PHF24: variants seen among roughly 807,000 people sequenced by gnomAD.
PHF24 encodes Galpha inhibitory interacting protein.
In PHF24, 25 loss-of-function variants were observed where a neutral mutation model predicts 42.6. The observed-to-expected ratio is 0.59, with a 90% CI of 0.43 to 0.82. PHF24 has a LOEUF of 0.82. Ranked by LOEUF, PHF24 falls within the 40% of genes least tolerant of loss-of-function variation. The pLI is 0.00. For missense variants in PHF24, 470 were observed against 538.1 expected, an observed-to-expected ratio of 0.87 and a Z score of 1.25; for synonymous variants, 185 against 204.8, an observed-to-expected ratio of 0.90 and a Z score of 0.83.
chr9:34,837,784 C>T, the PHF24 span: 4 of 902,196 alleles, frequency 4.4e-6, no homozygotes, highest in Non-Finnish European at 5.4e-6. Flanking sequence ...TTATTTTCCA[C>T]TCCCTTTCTA....
chr9:34,665,967 G>T, the PHF24 span: 4 of 481,052 alleles, frequency 8.3e-6, no homozygotes, highest in Non-Finnish European at 1.5e-5. Context: ...ATTTTCAGGG[G>T]CTGGGGTCAC....
At chr9:34,837,535 G>A in the PHF24 span, 1 of 703,200 alleles carries the variant, frequency 1.4e-6, no homozygotes. Context: ...TTTCAGTCTG[G>A]GGAACTGGAG....
At chr9:34,677,051 C>T in the PHF24 span, among the ~76,000 whole-genome samples, 1 of 152,164 alleles carries the variant, frequency 6.6e-6, no homozygotes, top group African/African-American at 2.4e-5. Flanking sequence ...ATTCCAAAAC[C>T]AAACTCCTGA....
the PHF24 span, among the ~76,000 whole-genome samples, chr9:34,791,554 C>A: frequency 6.8e-6 from 1 of 147,206 alleles, no homozygotes; most frequent in Admixed American, 6.8e-5. Flanking sequence ...GGGAATAGAT[C>A]AGATCTTGTA....
At chr9:34,843,742 T>G in the PHF24 span, among the ~76,000 whole-genome samples, 2 of 152,130 alleles carry the variant, frequency 1.3e-5, no homozygotes, top group Non-Finnish European at 2.9e-5. Flanking sequence ...AATTTTTTAA[T>G]TTTTATTTTT....
At chr9:34,665,839 A>G in the PHF24 span, 3 of 601,982 alleles carry the variant, frequency 5.0e-6, 1 homozygote, top group South Asian at 5.8e-5. Context: ...GAGATTTGGG[A>G]GGCACTGGAA....
the PHF24 span, chr9:34,895,559 T>C: frequency 2.8e-5 from 11 of 398,492 alleles, no homozygotes; most frequent in South Asian, 1.3e-4. Flanking sequence ...AATTTAGCCA[T>C]GGTCATAGTG....
the PHF24 span, among the ~76,000 whole-genome samples, chr9:34,751,970 AT>A: frequency 6.6e-6 from 1 of 152,184 alleles, no homozygotes; most frequent in African/African-American, 2.4e-5. Flanking sequence ...AATGAAAAAA[AT>A]AACAAGGAAA....
the PHF24 span, among the ~76,000 whole-genome samples, chr9:34,859,907 T>C: frequency 3.9e-5 from 6 of 152,162 alleles, no homozygotes; most frequent in African/African-American, 9.7e-5. Flanking sequence ...TTTTTTTTAA[T>C]CTCACCTCAG....
At chr9:34,932,062 A>G in the PHF24 span, among the ~76,000 whole-genome samples, 1 of 152,190 alleles carries the variant, frequency 6.6e-6, no homozygotes, top group Non-Finnish European at 1.5e-5. Flanking sequence ...GTGAGAACAC[A>G]ACAGTGAGAA....
At chr9:34,694,825 A>G in the PHF24 span, among the ~76,000 whole-genome samples, 1 of 152,150 alleles carries the variant, frequency 6.6e-6, no homozygotes. Context: ...CTAGACCCCA[A>G]CTGCCTATCA....
At chr9:34,886,718 A>G in the PHF24 span, among the ~76,000 whole-genome samples, 7 of 149,196 alleles carry the variant, frequency 4.7e-5, no homozygotes, top group Admixed American at 4.7e-4. Flanking sequence ...TCGTGGTCAT[A>G]TCTAGTCTCA....
At chr9:34,877,396 C>T in the PHF24 span, among the ~76,000 whole-genome samples, 1 of 152,040 alleles carries the variant, frequency 6.6e-6, no homozygotes, top group Admixed American at 6.5e-5. Context: ...TATGATTTCA[C>T]TTATATGAGA....
the PHF24 span, among the ~76,000 whole-genome samples, chr9:34,854,252 G>GT: frequency 3.9e-4 from 55 of 139,726 alleles, no homozygotes; most frequent in African/African-American, 1.2e-3. Flanking sequence ...TTTTTGAAGA[G>GT]TTTTTTTGTG....
the PHF24 span, among the ~76,000 whole-genome samples, chr9:34,788,770 G>A: frequency 1.3e-5 from 2 of 152,116 alleles, no homozygotes; most frequent in African/African-American, 4.8e-5. Flanking sequence ...ACACGCCAGA[G>A]ACCACCCCAA....
chr9:34,840,574 G>C, the PHF24 span, among the ~76,000 whole-genome samples: 1 of 149,472 alleles, frequency 6.7e-6, no homozygotes, highest in South Asian at 2.2e-4. Flanking sequence ...AGGTCACCCA[G>C]GCTGGAGTGC....
At chr9:34,748,472 G>T in the PHF24 span, among the ~76,000 whole-genome samples, 8 of 152,278 alleles carry the variant, frequency 5.3e-5, no homozygotes, top group Middle Eastern at 3.4e-3. Context: ...AGTCCTAGTT[G>T]TGGTGGCCAC....
At chr9:34,723,184 G>A in the PHF24 span, 739,554 of 1,518,310 alleles carry the variant, frequency 0.49, 186,628 homozygotes, top group East Asian at 0.57. Context: ...GGCTCTGCAT[G>A]TTCTCCTTGA....
chr9:34,975,693 A>G (rs955773581), intron 3 of PHF24, among the ~76,000 whole-genome samples: 4 of 151,826 alleles, frequency 2.6e-5, no homozygotes, highest in Non-Finnish European at 5.9e-5. Flanking sequence ...AGCTAGGATT[A>G]AACTTTTTTT....
Sources: allele counts gnomAD v4.1 joint callset (sites outside exome capture counted in the v4.1 genomes callset), GRCh38; gene constraint gnomAD v4.1.1; transcripts MANE v1.5; gene names NCBI Gene and HGNC (gene_info 2026-07-23, HGNC 2026-07-21).